The following PTPRD variants were observed in gnomAD, a reference collection of about 807,000 sequenced individuals.
PTPRD encodes the protein receptor-type tyrosine-protein phosphatase delta.
Under a neutral mutation model 214.5 loss-of-function variants are expected in PTPRD, and 34 were observed. That is an observed-to-expected ratio of 0.16 (90% confidence interval 0.12 to 0.21). The LOEUF (loss-of-function observed/expected upper bound fraction) is 0.21. Among genes scored for constraint, PTPRD ranks in the 10% least tolerant of loss-of-function variants. The pLI, the probability that PTPRD is intolerant of heterozygous loss-of-function variation, is 1.00. For synonymous variants in PTPRD, 1,128 were observed against 845.7 expected (o/e 1.33, Z -5.79); for missense variants, 2,545 against 2,398.7 (o/e 1.06, Z -1.27).
intron 5 of PTPRD, among the ~76,000 whole-genome samples, chr9:9,805,938 C>A (rs562804833): frequency 6.6e-6 from 1 of 151,996 alleles, no homozygotes; most frequent in Admixed American, 6.6e-5. Flanking sequence ...TAAAGTGAAC[C>A]AAATTAATAT....
chr9:9,780,868 A>C (rs746071907), intron 5 of PTPRD, among the ~76,000 whole-genome samples: 1 of 152,240 alleles, frequency 6.6e-6, no homozygotes, highest in Non-Finnish European at 1.5e-5. Context: ...GATATCAACT[A>C]TCAAGCCAAG....
intron 5 of PTPRD, among the ~76,000 whole-genome samples, chr9:9,770,012 T>C (rs535104991): frequency 1.8e-4 from 27 of 152,332 alleles, no homozygotes; most frequent in Non-Finnish European, 1.2e-4. Context: ...CTATCACTGA[T>C]GGGCATTTGG....
chr9:9,910,092 G>A (rs1038821619), intron 5 of PTPRD, among the ~76,000 whole-genome samples: 4 of 151,956 alleles, frequency 2.6e-5, no homozygotes, highest in African/African-American at 9.6e-5. Context: ...TGACATCTTG[G>A]TCAAGTTTGT....
intron 7 of PTPRD, among the ~76,000 whole-genome samples, chr9:9,697,237 T>C (rs2097395294): frequency 6.6e-6 from 1 of 152,104 alleles, no homozygotes; most frequent in Non-Finnish European, 1.5e-5. Context: ...TGTTAGAATA[T>C]TGTGAGTTTG....
chr9:9,613,461 T>C lies in PTPRD; in HGVS notation c.-286-38680A>G, dbSNP rs147816321. On this transcript the variant is annotated intron_variant, in intron 7 of 45. Transcript: ENST00000381196. ...CATTCTGTTCTTTTTGCCATCTACT[T>C]TTGATACATTCTTGCCCTTGTTGTG... Among the ~76,000 whole-genome samples, 12 of 152,196 alleles carry C rather than the reference T, an allele frequency of 7.9e-5. No individual in the cohort carries two copies. In the East Asian group the frequency reaches 2.3e-3, roughly 30 times the overall value.
At chr9:9,059,886 T>C (rs979961253) in intron 10 of PTPRD, among the ~76,000 whole-genome samples, 34 of 152,284 alleles carry the variant, frequency 2.2e-4, no homozygotes, top group African/African-American at 6.7e-4. Flanking sequence ...TACATCATTT[T>C]GAAGAGAAAC....
intron 3 of PTPRD, among the ~76,000 whole-genome samples, chr9:10,047,262 T>G (rs1396098360): frequency 6.6e-6 from 1 of 150,388 alleles, no homozygotes; most frequent in Non-Finnish European, 1.5e-5. Flanking sequence ...TATCCTAATC[T>G]ATCTATATTT....
chr9:9,053,175 T>G (rs2099689671), intron 10 of PTPRD, among the ~76,000 whole-genome samples: 1 of 152,204 alleles, frequency 6.6e-6, no homozygotes, highest in African/African-American at 2.4e-5. Flanking sequence ...TGTTTGAATA[T>G]CAGCAGTTTC....
intron 7 of PTPRD, among the ~76,000 whole-genome samples, chr9:9,622,784 A>C (rs2095289862): frequency 6.6e-6 from 1 of 152,246 alleles, no homozygotes. Flanking sequence ...TGGTAAAGGG[A>C]TAAACACTGC....
intron 12 of PTPRD, among the ~76,000 whole-genome samples, chr9:8,718,647 C>T (rs370445007): frequency 6.6e-6 from 1 of 152,092 alleles, no homozygotes; most frequent in Non-Finnish European, 1.5e-5. Context: ...ATTAGTCCGC[C>T]TTCTCTATAC....
chr9:9,634,479 T>C (rs1002110163), intron 7 of PTPRD, among the ~76,000 whole-genome samples: 1 of 152,174 alleles, frequency 6.6e-6, no homozygotes, highest in African/African-American at 2.4e-5. Flanking sequence ...TGTGTTTGTT[T>C]CTGCTATTGG....
intron 11 of PTPRD, among the ~76,000 whole-genome samples, chr9:8,896,711 G>T (rs890853947): frequency 6.6e-6 from 1 of 152,136 alleles, no homozygotes; most frequent in Non-Finnish European, 1.5e-5. Context: ...CAATTGGCCT[G>T]CATATACGTA....
At chr9:10,374,615 GT>G (rs1207910201) in intron 2 of PTPRD, among the ~76,000 whole-genome samples, 1 of 151,964 alleles carries the variant, frequency 6.6e-6, no homozygotes, top group African/African-American at 2.4e-5. Flanking sequence ...TCCTGCCTAC[GT>G]TTAGTGTCCT....
At chr9:8,634,805 T>C (rs929056262) in intron 13 of PTPRD, among the ~76,000 whole-genome samples, 3 of 151,864 alleles carry the variant, frequency 2.0e-5, no homozygotes, top group South Asian at 2.1e-4. Flanking sequence ...ATAAATGTCA[T>C]TGTATGTTTA....
intron 14 of PTPRD, among the ~76,000 whole-genome samples, chr9:8,556,278 T>C (rs1382943286): frequency 1.3e-5 from 2 of 152,186 alleles, no homozygotes; most frequent in Admixed American, 6.5e-5. Flanking sequence ...CATAACTAAT[T>C]TGGGTCATGT....
rs1202863469 is a variant in PTPRD, at chr9:9,054,680, T to C, written c.-142-35945A>G. On this transcript the variant is annotated intron_variant, in intron 10 of 45. Coordinates refer to ENST00000381196, the MANE Select transcript of PTPRD (RefSeq NM_002839.4). ...GAGCTTGGAACTATTCACTATTATA[T>C]TTTTGCTCACTTAAACAAACATTCA... Among the ~76,000 whole-genome samples the C allele has an allele frequency of 2.6e-5, 4 of 152,154 alleles. 1 individual carries two copies. The East Asian group carries it at 7.7e-4, about 29-fold the overall frequency.
At chr9:8,534,920 C>T (rs766339323) in intron 14 of PTPRD, among the ~76,000 whole-genome samples, 3 of 151,778 alleles carry the variant, frequency 2.0e-5, no homozygotes, top group Non-Finnish European at 4.4e-5. Flanking sequence ...AAAAACCTAC[C>T]GGATAGTCAA....
At chr9:9,821,912 A>G (rs2050876510) in intron 5 of PTPRD, among the ~76,000 whole-genome samples, 1 of 149,390 alleles carries the variant, frequency 6.7e-6, no homozygotes, top group African/African-American at 2.4e-5. Context: ...TCCTTGATTT[A>G]TGACATATAT....
chr9:9,498,320 C>A (rs1005462739), intron 8 of PTPRD, among the ~76,000 whole-genome samples: 6 of 152,096 alleles, frequency 3.9e-5, no homozygotes, highest in Non-Finnish European at 7.4e-5. Flanking sequence ...ATGTATTGCA[C>A]AAGTACAGGC....
Sources: gnomAD v4.1 joint callset for allele counts (sites outside exome capture counted in the v4.1 genomes callset) on GRCh38, gnomAD v4.1.1 for gene constraint, MANE v1.5 for transcripts, NCBI Gene and HGNC (gene_info 2026-07-23, HGNC 2026-07-21) for gene names.